Variants in SLC6A15 observed in about 807,000 individuals in gnomAD.
The protein encoded by SLC6A15 is solute carrier family 6 member 15.
SLC6A15 carries 33 observed loss-of-function variants against 68.5 expected under a neutral mutation model. The observed-to-expected ratio is 0.48, with a 90% CI of 0.37 to 0.64. The LOEUF (loss-of-function observed/expected upper bound fraction) is 0.64, where lower values mean the gene tolerates loss of function less well. Ranked by LOEUF, SLC6A15 falls within the 30% of genes least tolerant of loss-of-function variation. The pLI is 0.00. For missense variants in SLC6A15, 747 were observed against 874.3 expected, an observed-to-expected ratio of 0.85 and a Z score of 1.84; for synonymous variants, 347 against 301.0, an observed-to-expected ratio of 1.15 and a Z score of -1.58.
chr12:84,898,287 C>G (rs1005249801), intron 1 of SLC6A15, among the ~76,000 whole-genome samples: 8 of 152,156 alleles, frequency 5.3e-5, no homozygotes, highest in Non-Finnish European at 1.2e-4. Flanking sequence ...TTGCAGTGAG[C>G]TGAGATTGTA....
chr12:84,881,605 A>G, intron 5 of SLC6A15: 1 of 985,324 alleles, frequency 1.0e-6, no homozygotes. Flanking sequence ...TTTGGGGTAT[A>G]TGTATATGCA....
intron 6 of SLC6A15, among the ~76,000 whole-genome samples, chr12:84,874,086 G>A (rs756601448): frequency 5.3e-5 from 8 of 152,160 alleles, no homozygotes; most frequent in Non-Finnish European, 1.2e-4. Flanking sequence ...TTTGATTTCA[G>A]TAATAATAGC....
intron 1 of SLC6A15, among the ~76,000 whole-genome samples, chr12:84,895,152 T>C (rs1872585039): frequency 6.6e-6 from 1 of 151,970 alleles, no homozygotes; most frequent in South Asian, 2.1e-4. Context: ...CATTAAAATA[T>C]TCACAATAAC....
Position 84,883,467 on chromosome 12 carries a change from T to C in SLC6A15, c.756+392A>G, listed in dbSNP as rs529208561. The C allele has an allele frequency of 7.6e-6, 9 of 1,177,188 alleles. No homozygotes were observed. The African/African-American group carries it at 1.3e-4, about 17-fold the overall frequency. The allele number at this position is 1,177,188 out of a possible 1,614,324, so 72.9% of individuals were successfully genotyped here. On this transcript the variant is annotated intron_variant, in intron 5 of 11. Coordinates refer to ENST00000266682, the MANE Select transcript of SLC6A15 (RefSeq NM_182767.6). ...ACCTACAGCAGAGAGAAACAAATGA[T>C]ATCAAACAAACAAAATGAATGAATT... is the stretch of plus-strand genomic sequence containing the variant.
chr12:84,861,921 A>G lies in SLC6A15; in HGVS notation c.1904T>C (p.Val635Ala), dbSNP rs760982133. Residue 635 changes from valine to alanine, a missense_variant, in exon 12 of 12, where the codon GTA (valine) becomes GCA (alanine). Physicochemically the swap from Val to Ala is moderately conservative, Grantham distance 64. Coordinates refer to ENST00000266682, the MANE Select transcript of SLC6A15 (RefSeq NM_182767.6). ...GTTGAAGCGACGAACAATGAAAACT[A>G]CAGGGACTGGGAGTATTGCAAAGAC... ...LVVFAILPVP[V>A]VFIVRRFNLI... 1 of 1,614,038 alleles carries G rather than the reference A, an allele frequency of 6.2e-7. No homozygotes were observed. Among genetic ancestry groups the G allele is most frequent in the Non-Finnish European group, 8.5e-7 (1 of 1,179,930 alleles).
rs553280681 is a variant in SLC6A15, at chr12:84,900,987, T to C, written c.-188-8679A>G. ...ATACATACATATATACATGTATATA[T>C]GTGTATAGATATGTATATATATACA... On this transcript the variant is annotated intron_variant, in intron 1 of 11. Coordinates refer to ENST00000266682, the MANE Select transcript of SLC6A15 (RefSeq NM_182767.6). Among the ~76,000 whole-genome samples the C allele has an allele frequency of 2.8e-5, 4 of 143,450 alleles. No homozygotes were observed. The South Asian group carries it at 8.6e-4, about 31-fold the overall frequency. 94.1% of individuals were successfully genotyped at this position (143,450 alleles called of 152,430 possible). A position where few individuals can be genotyped will look rare whatever the true frequency, so the allele number is the denominator to read the frequency against.
At chr12:84,902,890 A>T (rs1872951593) in intron 1 of SLC6A15, among the ~76,000 whole-genome samples, 1 of 152,096 alleles carries the variant, frequency 6.6e-6, no homozygotes, top group Non-Finnish European at 1.5e-5. Flanking sequence ...GCAGGAGAGA[A>T]TCATATGGTA....
At chr12:84,909,421 A>T (rs1322462520) in intron 1 of SLC6A15, among the ~76,000 whole-genome samples, 1 of 152,166 alleles carries the variant, frequency 6.6e-6, no homozygotes, top group African/African-American at 2.4e-5. Flanking sequence ...CTTGTTGTTC[A>T]CAGAAAAAGA....
At chr12:84,903,819 T>C (rs1320019527) in intron 1 of SLC6A15, among the ~76,000 whole-genome samples, 1 of 152,160 alleles carries the variant, frequency 6.6e-6, no homozygotes, top group African/African-American at 2.4e-5. Context: ...TCTTCCAAAT[T>C]AGGTAACATT....
At chr12:84,888,414 C>T (rs746106648) in intron 2 of SLC6A15, among the ~76,000 whole-genome samples, 3 of 152,054 alleles carry the variant, frequency 2.0e-5, no homozygotes, top group Non-Finnish European at 2.9e-5. Context: ...TTATGCACCA[C>T]AGAATACTAC....
intron 5 of SLC6A15, among the ~76,000 whole-genome samples, chr12:84,877,284 C>G (rs753748424): frequency 2.0e-5 from 3 of 152,176 alleles, no homozygotes; most frequent in Non-Finnish European, 2.9e-5. Flanking sequence ...CCACCCATCT[C>G]TATTTCAGAA....
At chr12:84,872,500 T>C in intron 8 of SLC6A15, 102 bp downstream of exon 8, 1 of 839,104 alleles carries the variant, frequency 1.2e-6, no homozygotes, top group Non-Finnish European at 1.8e-6. Context: ...TTTAAGAGCT[T>C]CTTCGGGCAT....
chr12:84,885,784 T>A (rs1872071193), intron 3 of SLC6A15, 127 bp downstream of exon 3: 7 of 1,055,976 alleles, frequency 6.6e-6, no homozygotes, highest in Non-Finnish European at 9.5e-6. Context: ...CATATGCCAG[T>A]AACGTTTTCT....
chr12:84,874,936 TATC>T (rs1871450296), intron 6 of SLC6A15, among the ~76,000 whole-genome samples: 1 of 152,218 alleles, frequency 6.6e-6, no homozygotes. Flanking sequence ...AATAGAGTCT[TATC>T]AACACTCAAT....
chr12:84,884,996 T>C (rs1565727100), intron 4 of SLC6A15, among the ~76,000 whole-genome samples: 3 of 151,922 alleles, frequency 2.0e-5, no homozygotes, highest in Admixed American at 6.6e-5. Context: ...GACTGCTCTT[T>C]ATAATATTTA....
At chr12:84,877,864 T>A (rs149172768) in intron 5 of SLC6A15, among the ~76,000 whole-genome samples, 78 of 152,318 alleles carry the variant, frequency 5.1e-4, no homozygotes, top group African/African-American at 1.7e-3. Context: ...TCTAACAGGG[T>A]ATAAGCTAGT....
intron 1 of SLC6A15, among the ~76,000 whole-genome samples, chr12:84,895,719 C>G (rs1872610404): frequency 6.6e-6 from 1 of 152,046 alleles, no homozygotes; most frequent in Non-Finnish European, 1.5e-5. Flanking sequence ...AGTTTTCATA[C>G]AGCCAAAAGT....
At position 84,911,008 on chromosome 12, in the gene SLC6A15, C is replaced by T. The variant is rs61929984; in HGVS notation, c.-189+1515G>A. On this transcript the variant is annotated intron_variant, in intron 1 of 11. Transcript: ENST00000266682. ...TAACACTGTTCAAAGAAGATTTAGT[C>T]CATCATTAAGTATTTATTAAGAACG... Among the ~76,000 whole-genome samples the T allele has an allele frequency of 8.0e-4, 121 of 151,900 alleles. 1 individual carries two copies. Among genetic ancestry groups the T allele is most frequent in the Non-Finnish European group, 1.4e-3 (95 of 68,024 alleles).
Position 84,886,146 on chromosome 12 carries a change from GATA to G in SLC6A15, c.290-81_290-79del, listed in dbSNP as rs1872092091. On this transcript the variant is annotated intron_variant, in intron 2 of 11. Transcript: ENST00000266682. ...CACTAGTTCAGTTTATCCCATTAAA[GATA>G]ATATTTGAATTACTATATAGTGCAA... The G allele has an allele frequency of 4.0e-6, 4 of 1,007,730 alleles. No homozygotes were observed. The East Asian group carries it at 7.4e-5, about 19-fold the overall frequency. The allele number at this position is 1,007,730 out of a possible 1,614,324, so 62.4% of individuals were successfully genotyped here. A position where few individuals can be genotyped will look rare whatever the true frequency, so the allele number is the denominator to read the frequency against.
Sources: allele counts gnomAD v4.1 joint callset (sites outside exome capture counted in the v4.1 genomes callset), GRCh38; gene constraint gnomAD v4.1.1; transcripts MANE v1.5; gene names NCBI Gene and HGNC (gene_info 2026-07-23, HGNC 2026-07-21).